ADAMTSL1: variants seen among roughly 807,000 people sequenced by gnomAD.
The protein encoded by ADAMTSL1 is ADAMTS-like protein 1.
In ADAMTSL1, 126 loss-of-function variants were observed where a neutral mutation model predicts 201.8. The observed-to-expected ratio is 0.62, with a 90% CI of 0.54 to 0.72. ADAMTSL1 has a LOEUF of 0.72. Ranked by LOEUF, ADAMTSL1 falls within the 30% of genes least tolerant of loss-of-function variation. The pLI is 0.00. For missense variants in ADAMTSL1, 2,679 were observed against 2,277.8 expected (o/e 1.18, Z -3.59); for synonymous variants, 1,121 against 903.4 (o/e 1.24, Z -4.32).
intron 1 of ADAMTSL1, among the ~76,000 whole-genome samples, chr9:18,154,946 C>T (rs1827085330): frequency 1.3e-5 from 2 of 151,980 alleles, no homozygotes. Context: ...TGTGTATTTA[C>T]ATTTTTCAGA....
chr9:18,825,148 A>C (rs149317849), intron 21 of ADAMTSL1, among the ~76,000 whole-genome samples: 191 of 152,240 alleles, frequency 1.3e-3, no homozygotes, highest in African/African-American at 4.3e-3. Flanking sequence ...TCAGTCTCTC[A>C]ACATACTCAG....
intron 2 of ADAMTSL1, among the ~76,000 whole-genome samples, chr9:18,426,200 G>C (rs1363590552): frequency 1.3e-5 from 2 of 152,046 alleles, no homozygotes; most frequent in African/African-American, 4.8e-5. Flanking sequence ...GGGATAGGAG[G>C]GAGAATCCCT....
intron 1 of ADAMTSL1, among the ~76,000 whole-genome samples, chr9:18,099,326 A>ATATATATATATATATATATATATATAT (rs1824387699): frequency 1.7e-5 from 1 of 57,602 alleles, no homozygotes; most frequent in African/African-American, 8.1e-5. Context: ...GCAAATGGAA[A>ATATATATATATATATATATATATATAT]ATATATATAT....
chr9:18,281,229 C>G (rs1832775346), intron 2 of ADAMTSL1, among the ~76,000 whole-genome samples: 1 of 152,046 alleles, frequency 6.6e-6, no homozygotes, highest in Non-Finnish European at 1.5e-5. Context: ...ATATAATAAA[C>G]AAATGCTATA....
intron 2 of ADAMTSL1, among the ~76,000 whole-genome samples, chr9:18,190,513 C>G (rs1828928346): frequency 6.6e-6 from 1 of 152,046 alleles, no homozygotes; most frequent in Admixed American, 6.6e-5. Context: ...CTATTTCAAC[C>G]CGATTTCAAG....
intron 1 of ADAMTSL1, among the ~76,000 whole-genome samples, chr9:18,491,887 G>T (rs573753815): frequency 3.1e-4 from 47 of 152,236 alleles, no homozygotes; most frequent in African/African-American, 1.0e-3. Flanking sequence ...ATAAGGACAG[G>T]TTCTTTTAGA....
intron 23 of ADAMTSL1, among the ~76,000 whole-genome samples, chr9:18,839,269 T>A (rs1825555831): frequency 6.8e-6 from 1 of 147,454 alleles, no homozygotes; most frequent in Non-Finnish European, 1.5e-5. Flanking sequence ...CACCTATGAG[T>A]GAGAACATGC....
intron 5 of ADAMTSL1, among the ~76,000 whole-genome samples, chr9:18,625,449 A>C (rs1826305072): frequency 6.6e-6 from 1 of 152,142 alleles, no homozygotes; most frequent in Non-Finnish European, 1.5e-5. Flanking sequence ...AAAAGACATT[A>C]CAATTGCCTA....
intron 1 of ADAMTSL1, among the ~76,000 whole-genome samples, chr9:18,090,753 G>A (rs1414652406): frequency 6.6e-6 from 1 of 152,164 alleles, no homozygotes; most frequent in East Asian, 1.9e-4. Flanking sequence ...TAAATTTTAT[G>A]TATCTTTAAA....
chr9:18,152,229 T>C (rs915392525), intron 1 of ADAMTSL1, among the ~76,000 whole-genome samples: 1 of 151,994 alleles, frequency 6.6e-6, no homozygotes, highest in Non-Finnish European at 1.5e-5. Flanking sequence ...GCAGGACCTC[T>C]GTGGATTCTG....
At chr9:18,496,107 A>G (rs1193900185) in intron 1 of ADAMTSL1, among the ~76,000 whole-genome samples, 2 of 152,194 alleles carry the variant, frequency 1.3e-5, no homozygotes, top group East Asian at 1.9e-4. Flanking sequence ...AATTGGAAAG[A>G]TAATTGTTAT....
rs553520326 is a variant in ADAMTSL1 at position 18,652,472 on chromosome 9, C to A, written c.835-5167C>A. On this transcript the variant is annotated intron_variant, in intron 7 of 28. Transcript: ENST00000380548. ...CAATTAGTCCTCTACTTACAATAACCAACAACAAATTTTTTACTTTATTTT... is the reference window on the plus strand; with the variant it reads ...CAATTAGTCCTCTACTTACAATAACAAACAACAAATTTTTTACTTTATTTT... Among the ~76,000 whole-genome samples the A allele has an allele frequency of 2.6e-5, 4 of 151,828 alleles. 1 individual carries two copies. Among genetic ancestry groups the A allele is most frequent in the South Asian group, 4.2e-4 (2 of 4,796 alleles).
chr9:18,362,346 A>G (rs1423973657), intron 2 of ADAMTSL1: 1 of 152,270 alleles, frequency 6.6e-6, no homozygotes, highest in Non-Finnish European at 1.5e-5. Context: ...ACATATGTCT[A>G]GTATTGCAGT....
chr9:18,811,012 C>CAAAAAAAAAAAAAAAAA (rs76456235), intron 20 of ADAMTSL1, among the ~76,000 whole-genome samples: 2 of 38,794 alleles, frequency 5.2e-5, no homozygotes, highest in African/African-American at 1.2e-4. Flanking sequence ...CAATGAGTAC[C>CAAAAAAAAAAAAAAAAA]AAAAAAAAAA....
chr9:18,563,201 A>G (rs1006806696), intron 3 of ADAMTSL1, among the ~76,000 whole-genome samples: 2 of 152,048 alleles, frequency 1.3e-5, no homozygotes, highest in African/African-American at 4.8e-5. Flanking sequence ...TTTGTTGTGG[A>G]CATCCTTTTT....
intron 2 of ADAMTSL1, among the ~76,000 whole-genome samples, chr9:18,331,294 C>G (rs1390408970): frequency 6.6e-6 from 1 of 152,144 alleles, no homozygotes; most frequent in East Asian, 1.9e-4. Flanking sequence ...AGACTTGAGT[C>G]TATAACCAGT....
intron 2 of ADAMTSL1, among the ~76,000 whole-genome samples, chr9:18,349,816 G>A (rs1835885286): frequency 6.6e-6 from 1 of 152,036 alleles, no homozygotes; most frequent in Admixed American, 6.6e-5. Flanking sequence ...TGACTTAAAG[G>A]AGATAATTTC....
chr9:18,590,472 G>A (rs563098414), intron 4 of ADAMTSL1, among the ~76,000 whole-genome samples: 35 of 151,596 alleles, frequency 2.3e-4, no homozygotes, highest in Middle Eastern at 3.4e-3. Context: ...TCAACTTTTC[G>A]TTTTGTTGAC....
In ADAMTSL1 at chr9:18,099,372, T is replaced by TTA. The variant is rs1824413608; in HGVS notation, c.88-64490_88-64489insTA. ...ATATATATATTTTTTTTTTTTTTTT[T>TTA]AACATCCATTAATTTTACTAGGCTA... On this transcript the variant is annotated intron_variant, in intron 1 of 29. Transcript: ENST00000680146. 2.3e-5 allele frequency among the ~76,000 whole-genome samples: 3 copies of TTA among 128,740 alleles called. No individual in the cohort carries two copies. In the East Asian group the frequency reaches 6.6e-4, roughly 28 times the overall value. 84.5% of individuals were successfully genotyped at this position (128,740 alleles called of 152,430 possible). A position where few individuals can be genotyped will look rare whatever the true frequency, so the allele number is the denominator to read the frequency against.
Sources: gnomAD v4.1 joint callset for allele counts (sites outside exome capture counted in the v4.1 genomes callset) on GRCh38, gnomAD v4.1.1 for gene constraint, MANE v1.5 for transcripts, NCBI Gene and HGNC (gene_info 2026-07-23, HGNC 2026-07-21) for gene names.